The following EIF3H variants were observed in gnomAD, a reference collection of about 807,000 sequenced individuals.
The protein encoded by EIF3H is eukaryotic translation initiation factor 3 subunit H, also known as eIF-3-gamma.
In EIF3H, 26 loss-of-function variants were observed where a neutral mutation model predicts 44.2. The ratio of observed to expected loss-of-function variants is 0.59; its 90% CI spans 0.43 to 0.82. The LOEUF (loss-of-function observed/expected upper bound fraction) is 0.82, where lower values mean the gene tolerates loss of function less well. EIF3H is among the 40% of genes least tolerant of loss of function. The probability of loss-of-function intolerance (pLI) is 0.00; values close to 1 mark genes in which losing one functional copy is unlikely to be tolerated. For missense variants in EIF3H, 359 were observed against 432.8 expected (o/e 0.83, Z 1.51); for synonymous variants, 166 against 151.9 (o/e 1.09, Z -0.68).
Position 116,644,908 on chromosome 8 carries a change from C to G in EIF3H, c.*98G>C. On this transcript the variant is annotated 3_prime_UTR_variant, in exon 8 of 8. Transcript: ENST00000521861. ...AATCGGCAATGACACTAAAGAAATC[C>G]TCTGTGCTTTTCAATATGCAAATAT... 1 of 961,156 alleles carries G rather than the reference C, an allele frequency of 1.0e-6. No individual in the cohort carries two copies. Among genetic ancestry groups the G allele is most frequent in the Non-Finnish European group, 1.6e-6 (1 of 630,440 alleles). 59.5% of individuals were successfully genotyped at this position (961,156 alleles called of 1,614,324 possible). A position where few individuals can be genotyped will look rare whatever the true frequency, so the allele number is the denominator to read the frequency against.
chr8:116,755,845 G>A (rs552025191), upstream of EIF3H: 3 of 1,604,554 alleles, frequency 1.9e-6, no homozygotes, highest in East Asian at 4.5e-5. Context: ...ACCGGAAGCG[G>A]AAGTACAAGT....
intron 1 of EIF3H, among the ~76,000 whole-genome samples, chr8:116,762,545 T>A (rs547794459): frequency 1.3e-5 from 2 of 152,304 alleles, no homozygotes; most frequent in Admixed American, 1.3e-4. Flanking sequence ...TAAGTTGACT[T>A]CCTTTAAGCC....
chr8:116,676,997 G>C (rs1294346318), intron 2 of EIF3H, among the ~76,000 whole-genome samples: 1 of 151,908 alleles, frequency 6.6e-6, no homozygotes, highest in Admixed American at 6.6e-5. Context: ...TCTCCTTATG[G>C]TATGTAAAAG....
intron 2 of EIF3H, among the ~76,000 whole-genome samples, chr8:116,695,831 T>C (rs1442959406): frequency 6.6e-6 from 1 of 151,996 alleles, no homozygotes; most frequent in African/African-American, 2.4e-5. Context: ...ATTAACCAAA[T>C]AAATAAATGT....
In EIF3H at chr8:116,644,886, C is replaced by T. The variant is rs961647260; in HGVS notation, c.*120G>A. 38 of 712,986 alleles carry T rather than the reference C, an allele frequency of 5.3e-5. No individual in the cohort carries two copies. The highest frequency in any genetic ancestry group is 6.7e-5 in the Non-Finnish European group (29 of 431,168). The allele number at this position is 712,986 out of a possible 1,614,324, so 44.2% of individuals were successfully genotyped here. Reference sequence around the variant, plus strand: ...AGAAAGACACTGTTATAGCCAAAATCGGCAATGACACTAAAGAAATCCTCT... The same window carrying T: ...AGAAAGACACTGTTATAGCCAAAATTGGCAATGACACTAAAGAAATCCTCT... On this transcript the variant is annotated 3_prime_UTR_variant, in exon 8 of 8. Transcript: ENST00000521861.
At chr8:116,758,630 T>C (rs1330642631), upstream of EIF3H, among the ~76,000 whole-genome samples, 2 of 152,186 alleles carry the variant, frequency 1.3e-5, no homozygotes, top group Admixed American at 6.5e-5. Context: ...CTCAACAAAT[T>C]AAATAATTTC....
chr8:116,676,272 T>G (rs1813844572), intron 2 of EIF3H, among the ~76,000 whole-genome samples: 1 of 152,240 alleles, frequency 6.6e-6, no homozygotes, highest in East Asian at 1.9e-4. Flanking sequence ...CACGTAGTAG[T>G]CTGTTTTTAT....
intron 7 of EIF3H, among the ~76,000 whole-genome samples, chr8:116,646,247 G>A (rs1813295518): frequency 6.6e-6 from 1 of 152,182 alleles, no homozygotes. Context: ...TCTCAAAAAT[G>A]TTTAGAAACA....
rs1489286237 is a variant in EIF3H at position 116,643,437 on chromosome 8, T to C, written c.*1569A>G. ...AGAATGTTCTAGGCCCTGAGCTTTTTAAAGTAAAACCCAGCCAACAACCCA... is the reference window on the plus strand; with the variant it reads ...AGAATGTTCTAGGCCCTGAGCTTTTCAAAGTAAAACCCAGCCAACAACCCA... On this transcript the variant is annotated 3_prime_UTR_variant, in exon 8 of 8. Transcript: ENST00000521861. The C allele has an allele frequency of 2.0e-5, 3 of 152,206 alleles. No individual in the cohort carries two copies. The highest frequency in any genetic ancestry group is 3.8e-4 in the East Asian group (2 of 5,196). The allele number at this position is 152,206 out of a possible 1,614,324, so 9.4% of individuals were successfully genotyped here. A position where few individuals can be genotyped will look rare whatever the true frequency, so the allele number is the denominator to read the frequency against.
upstream of EIF3H, among the ~76,000 whole-genome samples, chr8:116,757,286 G>GAA (rs1237831397): frequency 6.6e-6 from 1 of 152,110 alleles, no homozygotes; most frequent in Non-Finnish European, 1.5e-5. Flanking sequence ...GAGAGAGAGA[G>GAA]AGAGAGAGGG....
At chr8:116,747,733 T>G (rs1425026082) in intron 1 of EIF3H, among the ~76,000 whole-genome samples, 1 of 152,156 alleles carries the variant, frequency 6.6e-6, no homozygotes, top group Admixed American at 6.5e-5. Context: ...CTCTTTAAAT[T>G]CATAAGAGTA....
chr8:116,743,808 AC>A (rs1563659999), intron 1 of EIF3H, among the ~76,000 whole-genome samples: 80 of 85,992 alleles, frequency 9.3e-4, no homozygotes, highest in African/African-American at 3.4e-3. Context: ...AAACACACAC[AC>A]ACACACACAC....
chr8:116,674,603 T>C (rs184670254), intron 2 of EIF3H, among the ~76,000 whole-genome samples: 1 of 152,318 alleles, frequency 6.6e-6, no homozygotes, highest in Admixed American at 6.5e-5. Context: ...TCAGAATGAA[T>C]ACTCCTGAGC....
chr8:116,683,353 C>T (rs1011017832), intron 2 of EIF3H, among the ~76,000 whole-genome samples: 2 of 152,072 alleles, frequency 1.3e-5, no homozygotes, highest in Non-Finnish European at 2.9e-5. Flanking sequence ...TGTAAGAGAC[C>T]CTTCCTGGCT....
intron 5 of EIF3H, among the ~76,000 whole-genome samples, chr8:116,652,579 A>G (rs922461448): frequency 1.3e-5 from 2 of 152,212 alleles, no homozygotes; most frequent in Non-Finnish European, 2.9e-5. Context: ...TCTACAATTT[A>G]CTTTCAGATG....
intron 2 of EIF3H, among the ~76,000 whole-genome samples, chr8:116,709,509 C>A (rs1454548889): frequency 2.0e-5 from 3 of 152,112 alleles, no homozygotes; most frequent in African/African-American, 7.2e-5. Context: ...GCAAAAAGAA[C>A]TATTGTACAA....
intron 1 of EIF3H, among the ~76,000 whole-genome samples, chr8:116,742,181 T>C (rs1815145007): frequency 6.6e-6 from 1 of 152,214 alleles, no homozygotes; most frequent in African/African-American, 2.4e-5. Context: ...AATATTTCAG[T>C]TTGAAAGGGC....
At chr8:116,758,944 A>G (rs1029341354), upstream of EIF3H, among the ~76,000 whole-genome samples, 1 of 152,220 alleles carries the variant, frequency 6.6e-6, no homozygotes, top group African/African-American at 2.4e-5. Context: ...CCATCATCTA[A>G]GCTCTCTAAC....
intron 2 of EIF3H, among the ~76,000 whole-genome samples, chr8:116,715,446 G>C (rs188000838): frequency 6.6e-6 from 1 of 152,122 alleles, no homozygotes; most frequent in Non-Finnish European, 1.5e-5. Flanking sequence ...TGAGTAAAAA[G>C]ATATTATTTT....
Sources: gnomAD v4.1 joint callset for allele counts (sites outside exome capture counted in the v4.1 genomes callset) on GRCh38, gnomAD v4.1.1 for gene constraint, MANE v1.5 for transcripts, NCBI Gene and HGNC (gene_info 2026-07-23, HGNC 2026-07-21) for gene names.